PCDHGA8: variants seen among roughly 807,000 people sequenced by gnomAD.
PCDHGA8 encodes the protein protocadherin gamma subfamily A, 8.
In PCDHGA8, 45 loss-of-function variants were observed where a neutral mutation model predicts 59.2. That is an observed-to-expected ratio of 0.76 (90% CI 0.60 to 0.98). The LOEUF (loss-of-function observed/expected upper bound fraction) is 0.98, where lower values mean the gene tolerates loss of function less well. Ranked by LOEUF, PCDHGA8 falls within the 50% of genes least tolerant of loss-of-function variation. The pLI is 0.00. For synonymous variants in PCDHGA8, 531 were observed against 519.0 expected (o/e 1.02, Z -0.32); for missense variants, 1,257 against 1,196.2 (o/e 1.05, Z -0.75).
intron 1 of PCDHGA8, chr5:141,404,248 G>T (rs1404333144): frequency 6.2e-7 from 1 of 1,613,694 alleles, no homozygotes; most frequent in South Asian, 1.1e-5. Flanking sequence ...CTCCGCCCCT[G>T]TCCACAGAAA....
chr5:141,511,202 C>T lies in PCDHGA8; in HGVS notation c.*29C>T, dbSNP rs201024828. 2.0e-3 allele frequency: 3,296 copies of T among 1,612,132 alleles called. 7 individuals carry two copies. Among genetic ancestry groups the T allele is most frequent in the Middle Eastern group, 0.013 (77 of 6,006 alleles). On this transcript the variant is annotated 3_prime_UTR_variant, in exon 4 of 4. Coordinates refer to ENST00000398604, the MANE Select transcript of PCDHGA8 (RefSeq NM_032088.2). ...GGAGGCCAGGCCAAGAGCCACAGGG[C>T]GGCCTCTCCCCAACCAGCCCAGCTT...
chr5:141,404,995 T>G (rs1561697585), intron 1 of PCDHGA8: 1 of 1,614,008 alleles, frequency 6.2e-7, no homozygotes, highest in Non-Finnish European at 8.5e-7. Flanking sequence ...TTCAGATCCC[T>G]GCAGACCTGG....
chr5:141,398,804 C>T, intron 1 of PCDHGA8: 1 of 1,614,012 alleles, frequency 6.2e-7, no homozygotes, highest in Non-Finnish European at 8.5e-7. Context: ...AGCGGCACCA[C>T]TGAGCTCCGG....
In PCDHGA8 at chr5:141,505,470, C is replaced by T. The variant is rs1241228956; in HGVS notation, c.2561C>T (p.Ala854Val). Reference protein sequence around the residue: ...DTEMLQAMILASASEAADGSS... With the variant: ...DTEMLQAMILVSASEAADGSS... ...GAGATGCTGCAAGCCATGATCTTGG[C>T]GTCCGCCAGTGGTAAGTGGTGTCAG... The change falls in exon 3 of 4, where the codon GCG becomes GTG. Residue 854 changes from alanine (A) to valine (V), a missense_variant. By Grantham distance (64) the Ala-to-Val change is moderately conservative. Transcript: ENST00000398604. 2 of 1,614,068 alleles carry T rather than the reference C, an allele frequency of 1.2e-6. No individual in the cohort carries two copies. Among genetic ancestry groups the T allele is most frequent in the Non-Finnish European group, 8.5e-7 (1 of 1,180,010 alleles).
At position 141,487,051 on chromosome 5, in the gene PCDHGA8, G is replaced by A. The variant is rs1348441475; in HGVS notation, c.2425-7756G>A. The A allele has an allele frequency of 3.7e-6, 6 of 1,614,024 alleles. No individual in the cohort carries two copies. The highest frequency in any genetic ancestry group is 5.1e-6 in the Non-Finnish European group (6 of 1,180,024). On this transcript the variant is annotated intron_variant, in intron 1 of 3. Coordinates refer to ENST00000398604, the MANE Select transcript of PCDHGA8 (RefSeq NM_032088.2). This position sits in a 1 kb window ranked among gnomAD's most constrained non-coding sequence, Gnocchi z 5.0. ...TGTTTGCAGTCTCTCGATATGCTGG[G>A]GAGGTGCGGACGGCTGTTCCTATCC... is the stretch of plus-strand genomic sequence containing the variant.
At chr5:141,480,715 G>A (rs906358826) in intron 1 of PCDHGA8, among the ~76,000 whole-genome samples, 1 of 152,124 alleles carries the variant, frequency 6.6e-6, no homozygotes, top group African/African-American at 2.4e-5. Flanking sequence ...ACAAATGAAA[G>A]CACAGTCTCT....
chr5:141,482,967 AGCAGCTACTT>A (rs2099575323), intron 1 of PCDHGA8, among the ~76,000 whole-genome samples: 1 of 58,122 alleles, frequency 1.7e-5, no homozygotes, highest in African/African-American at 2.6e-4. Flanking sequence ...CAGCTACTTG[AGCAGCTACTT>A]GAGAGGTCGA....
intron 1 of PCDHGA8, chr5:141,415,663 T>C: frequency 6.3e-7 from 1 of 1,578,204 alleles, no homozygotes; most frequent in Non-Finnish European, 8.6e-7. Flanking sequence ...GATTGGTTTT[T>C]ACTTTGAAGT....
At chr5:141,423,228 C>G (rs1321708353) in intron 1 of PCDHGA8, 5 of 1,613,866 alleles carry the variant, frequency 3.1e-6, no homozygotes, top group Non-Finnish European at 2.5e-6. Context: ...CTGTGGCCGA[C>G]AGCATCCCCG....
At chr5:141,478,941 A>C (rs889484528) in intron 1 of PCDHGA8, 9 of 589,470 alleles carry the variant, frequency 1.5e-5, no homozygotes, top group Non-Finnish European at 2.0e-5. Context: ...TTCTAGGAAT[A>C]CAAAAACTAC....
At position 141,427,172 on chromosome 5, in the gene PCDHGA8, TG is replaced by T. The variant is rs757372749; in HGVS notation, c.2424+31939del. ...ATATGTTTGTGCTAGACCATCAAAA[TG>T]GGGAAATTAAATCCAAAGACTTAAT... On this transcript the variant is annotated intron_variant, in intron 1 of 3. Coordinates refer to ENST00000398604, the MANE Select transcript of PCDHGA8 (RefSeq NM_032088.2). The T allele has an allele frequency of 3.9e-5, 18 of 456,596 alleles. 1 individual carries two copies. The highest frequency in any genetic ancestry group is 2.6e-4 in the South Asian group (17 of 64,568). 28.3% of individuals were successfully genotyped at this position (456,596 alleles called of 1,614,324 possible). A position where few individuals can be genotyped will look rare whatever the true frequency, so the allele number is the denominator to read the frequency against.
chr5:141,473,892 G>C (rs1247711441), intron 1 of PCDHGA8, among the ~76,000 whole-genome samples: 1 of 152,138 alleles, frequency 6.6e-6, no homozygotes, highest in African/African-American at 2.4e-5. Context: ...GGGTTCTGTT[G>C]GTTCATGAAG....
rs754585576 is a variant in PCDHGA8 at position 141,394,592 on chromosome 5, G to C, written c.1779G>C (p.Ala593=). 5.2e-5 allele frequency: 84 copies of C among 1,613,642 alleles called. No homozygotes were observed. The highest frequency in any genetic ancestry group is 3.7e-4 in the South Asian group (34 of 91,064). The change falls in exon 1 of 4, where the codon GCG becomes GCC. Residue 593 remains alanine (A), a synonymous_variant. Coordinates refer to ENST00000398604, the MANE Select transcript of PCDHGA8 (RefSeq NM_032088.2). ...GCTACCTGGTGACCAAGGTGGTGGC[G>C]GTGGACAGAGACTCGGGCCAGAACG... ...ERGYLVTKVV[A]VDRDSGQNAW...
At chr5:141,396,487 G>A (rs1196823269) in intron 1 of PCDHGA8, 1 of 152,122 alleles carries the variant, frequency 6.6e-6, no homozygotes, top group Non-Finnish European at 1.5e-5. Flanking sequence ...AGGCATGGTG[G>A]CATGCGCCTG....
Position 141,393,452 on chromosome 5 carries a change from GGCCTCGGATGGCGGCAAGCC to G in PCDHGA8, c.646_665del (p.Asp216LeufsTer2). 6.2e-7 allele frequency: 1 copy of G among 1,614,030 alleles called. No individual in the cohort carries two copies. Among genetic ancestry groups the G allele is most frequent in the Admixed American group, 1.7e-5 (1 of 60,028 alleles). On this transcript the variant is annotated frameshift_variant, in exon 1 of 4. Coordinates refer to ENST00000398604, the MANE Select transcript of PCDHGA8 (RefSeq NM_032088.2). LOFTEE classifies it high-confidence loss of function. ...AGGCTGCTCACCACCTGGTCCTCAC[GGCCTCGGATGGCGGCAAGCC>G]GCCTCGCTCTAGCACAGTGCGCATC...
intron 1 of PCDHGA8, among the ~76,000 whole-genome samples, chr5:141,462,363 G>C (rs1425898350): frequency 6.6e-6 from 1 of 152,132 alleles, no homozygotes; most frequent in Non-Finnish European, 1.5e-5. Context: ...ACATTGTATA[G>C]TTTCTATTCT....
chr5:141,485,242 C>A lies in PCDHGA8; in HGVS notation c.2425-9565C>A, dbSNP rs747029550. ...CTACCCTTTTGTTCCTCTTTTACCA[C>A]CTGGGTTACGTTTGTGGGCAGATCC... On this transcript the variant is annotated intron_variant, in intron 1 of 3. Transcript: ENST00000398604. This position sits in a 1 kb window ranked among gnomAD's most constrained non-coding sequence, Gnocchi z 5.7. 7.4e-5 allele frequency: 119 copies of A among 1,614,054 alleles called. No individual in the cohort carries two copies. The highest frequency in any genetic ancestry group is 3.3e-4 in the Middle Eastern group (2 of 6,084).
At chr5:141,465,032 A>C (rs2154568703) in intron 1 of PCDHGA8, among the ~76,000 whole-genome samples, 1 of 151,870 alleles carries the variant, frequency 6.6e-6, no homozygotes, top group Admixed American at 6.6e-5. Context: ...ATGAACCACC[A>C]CAAATGACCC....
In PCDHGA8 at chr5:141,485,049, G is replaced by C. The variant is rs1271101804; in HGVS notation, c.2425-9758G>C. On this transcript the variant is annotated intron_variant, in intron 1 of 3. Coordinates refer to ENST00000398604, the MANE Select transcript of PCDHGA8 (RefSeq NM_032088.2). The surrounding 1 kb of genome is among the most constrained non-coding windows in gnomAD (Gnocchi z 5.7). ...AACGGCGCGTAACCCTTGCGGCGCC[G>C]GCCGAACCGCGCCAGAGCTGGCGCG... 1 of 780,438 alleles carries C rather than the reference G, an allele frequency of 1.3e-6. No homozygotes were observed. The highest frequency in any genetic ancestry group is 2.1e-6 in the Non-Finnish European group (1 of 469,234). The allele number at this position is 780,438 out of a possible 1,614,324, so 48.3% of individuals were successfully genotyped here. A position where few individuals can be genotyped will look rare whatever the true frequency, so the allele number is the denominator to read the frequency against.
Sources: allele counts gnomAD v4.1 joint callset (sites outside exome capture counted in the v4.1 genomes callset), GRCh38; gene constraint gnomAD v4.1.1; non-coding constraint Gnocchi (gnomAD v3.1); transcripts MANE v1.5; gene names NCBI Gene and HGNC (gene_info 2026-07-23, HGNC 2026-07-21).